AKAP6: variants seen among roughly 807,000 people sequenced by gnomAD.
AKAP6 encodes A-kinase anchoring protein 6, also known as A-kinase anchor protein 6.
Under a neutral mutation model 188.5 loss-of-function variants are expected in AKAP6, and 58 were observed. The ratio of observed to expected loss-of-function variants is 0.31; its 90% CI spans 0.25 to 0.38. The LOEUF is 0.38. Ranked by LOEUF, AKAP6 falls within the 10% of genes least tolerant of loss-of-function variation. The pLI, the probability that AKAP6 is intolerant of heterozygous loss-of-function variation, is 1.00. For missense variants in AKAP6, 2,710 were observed against 2,740.0 expected, an observed-to-expected ratio of 0.99 and a Z score of 0.24; for synonymous variants, 989 against 998.6, an observed-to-expected ratio of 0.99 and a Z score of 0.18.
chr14:32,351,945 A>G (rs941174961), intron 1 of AKAP6, among the ~76,000 whole-genome samples: 3 of 152,118 alleles, frequency 2.0e-5, no homozygotes, highest in African/African-American at 7.2e-5. Context: ...TCCTTGTAAC[A>G]GGCAGAGCTG....
intron 2 of AKAP6, among the ~76,000 whole-genome samples, chr14:32,475,981 C>A (rs1317016758): frequency 1.3e-5 from 2 of 152,138 alleles, no homozygotes; most frequent in East Asian, 3.9e-4. Flanking sequence ...CTGCGCCTGG[C>A]CTTCAGCTCT....
chr14:32,607,150 C>G (rs1334445620), intron 7 of AKAP6, among the ~76,000 whole-genome samples: 1 of 152,166 alleles, frequency 6.6e-6, no homozygotes, highest in Non-Finnish European at 1.5e-5. Context: ...GCGCAACTGG[C>G]TAATATTTTC....
intron 2 of AKAP6, among the ~76,000 whole-genome samples, chr14:32,443,413 A>AAAC (rs1566505719): frequency 1.3e-5 from 2 of 151,716 alleles, no homozygotes; most frequent in African/African-American, 4.8e-5. Context: ...AAAACAAAAA[A>AAAC]AAAACAAAAA....
intron 7 of AKAP6, among the ~76,000 whole-genome samples, chr14:32,618,420 C>T (rs1886674357): frequency 6.6e-6 from 1 of 152,164 alleles, no homozygotes; most frequent in Non-Finnish European, 1.5e-5. Flanking sequence ...ATAGCTTAGC[C>T]CCCACTTACA....
intron 7 of AKAP6, among the ~76,000 whole-genome samples, chr14:32,655,015 A>G (rs952771301): frequency 1.3e-5 from 2 of 152,208 alleles, no homozygotes; most frequent in Non-Finnish European, 2.9e-5. Context: ...AAATATTTTC[A>G]TGAGGAAATC....
chr14:32,368,954 G>C (rs1039370919), intron 1 of AKAP6, among the ~76,000 whole-genome samples: 6 of 152,092 alleles, frequency 3.9e-5, no homozygotes, highest in African/African-American at 1.4e-4. Context: ...TGTTAAGTGG[G>C]GGAGTGATGT....
intron 2 of AKAP6, among the ~76,000 whole-genome samples, chr14:32,472,900 A>G (rs935855278): frequency 1.5e-4 from 23 of 152,352 alleles, no homozygotes; most frequent in South Asian, 1.2e-3. Flanking sequence ...AAAGGAAAAA[A>G]AAAGAGAAAA....
chr14:32,707,104 T>G (rs1328807135), intron 9 of AKAP6, among the ~76,000 whole-genome samples: 2 of 152,102 alleles, frequency 1.3e-5, no homozygotes, highest in Non-Finnish European at 2.9e-5. Flanking sequence ...GTGGAGGAAG[T>G]ACACACACAT....
At chr14:32,745,466 TCTC>T (rs1275312828) in intron 11 of AKAP6, among the ~76,000 whole-genome samples, 2 of 15,002 alleles carry the variant, frequency 1.3e-4, no homozygotes, top group Non-Finnish European at 3.0e-4. Flanking sequence ...ATTCATTCTC[TCTC>T]TCTCTCTCTC....
chr14:32,761,024 C>T lies in AKAP6; in HGVS notation c.3373-12654C>T, dbSNP rs60607752. 9.6e-3 allele frequency among the ~76,000 whole-genome samples: 1,459 copies of T among 152,170 alleles called. 24 individuals carry two copies. Among genetic ancestry groups the T allele is most frequent in the African/African-American group, 0.033 (1,377 of 41,512 alleles). On this transcript the variant is annotated intron_variant, in intron 11 of 13. Transcript: ENST00000280979. Reference sequence around the variant, plus strand: ...AGTTGCCTTGAGCTTCCACCACAAACGGAAAGGAAAGAGCTAAGAAGCAAA... The same window carrying T: ...AGTTGCCTTGAGCTTCCACCACAAATGGAAAGGAAAGAGCTAAGAAGCAAA...
At chr14:32,701,983 C>T (rs1890638367) in intron 9 of AKAP6, among the ~76,000 whole-genome samples, 1 of 152,012 alleles carries the variant, frequency 6.6e-6, no homozygotes, top group Admixed American at 6.6e-5. Context: ...TTAATTAGGC[C>T]TTATATTGGA....
chr14:32,795,860 G>A (rs2033753698), intron 12 of AKAP6, among the ~76,000 whole-genome samples: 1 of 152,134 alleles, frequency 6.6e-6, no homozygotes, highest in Non-Finnish European at 1.5e-5. Context: ...GTTTGCAGAT[G>A]ACATGATTCT....
Position 32,386,552 on chromosome 14 carries a change from G to A in AKAP6, c.-34-46908G>A, listed in dbSNP as rs72666179. ...TGTGAAGATTTTTTTCCCATTCTTG[G>A]GTTGTTCGTTTACTCTGCTGACTGT... On this transcript the variant is annotated intron_variant, in intron 1 of 13. Coordinates refer to ENST00000280979, the MANE Select transcript of AKAP6 (RefSeq NM_004274.5). 2.0e-5 allele frequency among the ~76,000 whole-genome samples: 3 copies of A among 152,120 alleles called. No homozygotes were observed. The East Asian group carries it at 5.8e-4, about 29-fold the overall frequency.
At chr14:32,815,525 AT>A (rs2034355800) in intron 12 of AKAP6, among the ~76,000 whole-genome samples, 1 of 152,132 alleles carries the variant, frequency 6.6e-6, no homozygotes, top group Admixed American at 6.5e-5. Context: ...TCATTTGGTT[AT>A]CTTTGTGGGA....
At chr14:32,622,709 G>T (rs1252583494) in intron 7 of AKAP6, among the ~76,000 whole-genome samples, 2 of 152,098 alleles carry the variant, frequency 1.3e-5, no homozygotes, top group African/African-American at 4.8e-5. Flanking sequence ...GTGGGAGTCT[G>T]ACTTCTTGTT....
At chr14:32,477,561 T>C (rs61982982) in intron 2 of AKAP6, among the ~76,000 whole-genome samples, 38,976 of 152,110 alleles carry the variant, frequency 0.26, 5,439 homozygotes, top group Middle Eastern at 0.3. Context: ...TTGGCTGTTA[T>C]ATGTATGTGA....
chr14:32,725,344 C>CGGCAGCCT (rs2139805530), intron 9 of AKAP6, among the ~76,000 whole-genome samples: 1 of 152,308 alleles, frequency 6.6e-6, no homozygotes, highest in East Asian at 1.9e-4. Flanking sequence ...CTATTTAGCT[C>CGGCAGCCT]GGCAGCCTAC....
rs2031832526 is a variant in AKAP6 at position 32,744,946 on chromosome 14, T to C, written c.3372+9064T>C. ...ACTGCATTTTTTCAGATCCAGAATT[T>C]CTGCATGATTCTTTTTAATTATTTT... On this transcript the variant is annotated intron_variant, in intron 11 of 13. Transcript: ENST00000280979. Among the ~76,000 whole-genome samples, 4 of 152,172 alleles carry C rather than the reference T, an allele frequency of 2.6e-5. No individual in the cohort carries two copies. The South Asian group carries it at 8.3e-4, about 32-fold the overall frequency.
chr14:32,702,964 A>G (rs1890675668), intron 9 of AKAP6, among the ~76,000 whole-genome samples: 1 of 152,200 alleles, frequency 6.6e-6, no homozygotes, highest in Middle Eastern at 3.2e-3. Flanking sequence ...ACTTCAATAA[A>G]TGGGGTACAG....
Sources: allele counts gnomAD v4.1 joint callset (sites outside exome capture counted in the v4.1 genomes callset), GRCh38; gene constraint gnomAD v4.1.1; transcripts MANE v1.5; gene names NCBI Gene and HGNC (gene_info 2026-07-23, HGNC 2026-07-21).